CCDC30: variants seen among roughly 807,000 people sequenced by gnomAD.
CCDC30 encodes the protein coiled-coil domain containing 30.
A neutral mutation model predicts 100.2 loss-of-function variants in CCDC30; 70 were observed. The observed-to-expected ratio is 0.70, with a 90% confidence interval of 0.58 to 0.85. The LOEUF (loss-of-function observed/expected upper bound fraction) is 0.85. Ranked by LOEUF, CCDC30 falls within the 40% of genes least tolerant of loss-of-function variation. The probability of loss-of-function intolerance (pLI) is 0.00; values close to 1 mark genes in which losing one functional copy is unlikely to be tolerated. For synonymous variants in CCDC30, 233 were observed against 269.5 expected (o/e 0.86, Z 1.33); for missense variants, 652 against 771.2 (o/e 0.85, Z 1.83).
At chr1:42,610,659 A>G (rs1646600968) in intron 10 of CCDC30, among the ~76,000 whole-genome samples, 1 of 152,120 alleles carries the variant, frequency 6.6e-6, no homozygotes, top group South Asian at 2.1e-4. Context: ...TCCTGAGCTC[A>G]AGCTATATGC....
chr1:42,622,208 G>C (rs1646851824), intron 11 of CCDC30, among the ~76,000 whole-genome samples: 1 of 152,020 alleles, frequency 6.6e-6, no homozygotes, highest in African/African-American at 2.4e-5. Context: ...TCTGTGCATG[G>C]CTTATTTCAC....
intron 6 of CCDC30, among the ~76,000 whole-genome samples, chr1:42,551,755 G>A (rs754357216): frequency 1.3e-5 from 2 of 151,434 alleles, no homozygotes; most frequent in Non-Finnish European, 2.9e-5. Flanking sequence ...GTGTGTGTGT[G>A]TGTGTGTGTG....
At chr1:42,650,250 A>AG (rs548367068) in intron 15 of CCDC30, among the ~76,000 whole-genome samples, 98 of 152,182 alleles carry the variant, frequency 6.4e-4, no homozygotes, top group African/African-American at 2.2e-3. Flanking sequence ...TGGGAGGCTG[A>AG]GGGGGGCAGA....
the CCDC30 span, chr1:42,456,422 G>A: frequency 5.5e-6 from 5 of 906,580 alleles, no homozygotes. Flanking sequence ...CGCATTTCCA[G>A]ACTTGGCGAG....
chr1:42,646,447 C>G (rs1647891325), intron 15 of CCDC30, 130 bp downstream of exon 19: 1 of 1,205,062 alleles, frequency 8.3e-7, no homozygotes. Context: ...CAAACAGATT[C>G]CCCACTTTCT....
intron 6 of CCDC30, among the ~76,000 whole-genome samples, chr1:42,545,916 C>G (rs1000960782): frequency 5.3e-5 from 8 of 151,116 alleles, no homozygotes; most frequent in African/African-American, 1.9e-4. Context: ...TGCACTGCAG[C>G]CTGGGCAACA....
At chr1:42,626,581 C>T (rs1329539511) in intron 11 of CCDC30, among the ~76,000 whole-genome samples, 2 of 151,968 alleles carry the variant, frequency 1.3e-5, no homozygotes, top group Non-Finnish European at 2.9e-5. Flanking sequence ...GATATGAGTT[C>T]ACTGTGTCCG....
chr1:42,635,898 G>T (rs1647145305), intron 11 of CCDC30, among the ~76,000 whole-genome samples: 1 of 151,714 alleles, frequency 6.6e-6, no homozygotes, highest in Non-Finnish European at 1.5e-5. Flanking sequence ...TTATATTCCT[G>T]CCTGCAGTGT....
chr1:42,462,391 C>G (rs78716659), upstream of CCDC30, among the ~76,000 whole-genome samples: 582 of 152,130 alleles, frequency 3.8e-3, 8 homozygotes, highest in African/African-American at 0.014. Flanking sequence ...GCTACAAGTG[C>G]TGGTGGTGAG....
intron 8 of CCDC30, among the ~76,000 whole-genome samples, chr1:42,580,427 C>T (rs1221035417): frequency 1.3e-5 from 2 of 152,080 alleles, no homozygotes; most frequent in African/African-American, 4.8e-5. Context: ...GAATGTGATG[C>T]CAAGCCATTG....
intron 7 of CCDC30, chr1:42,571,432 G>T (rs970762195): frequency 1.9e-4 from 29 of 151,346 alleles, no homozygotes; most frequent in African/African-American, 7.0e-4. Flanking sequence ...TAATAGATTT[G>T]TTCTTATCAT....
At chr1:42,523,539 C>T (rs559159385) in intron 6 of CCDC30, among the ~76,000 whole-genome samples, 76 of 152,196 alleles carry the variant, frequency 5.0e-4, no homozygotes, top group East Asian at 1.5e-3. Flanking sequence ...TGTCTTTCAA[C>T]GGTTTGATTA....
At chr1:42,647,126 C>T (rs567601541) in intron 15 of CCDC30, among the ~76,000 whole-genome samples, 4 of 151,758 alleles carry the variant, frequency 2.6e-5, no homozygotes, top group Admixed American at 2.6e-4. Flanking sequence ...AAAATCAATG[C>T]AAAAAAATAA....
the CCDC30 span, chr1:42,456,224 GA>G: frequency 5.0e-6 from 3 of 602,156 alleles, no homozygotes; most frequent in Non-Finnish European, 8.9e-6. Context: ...AAATGGCCGA[GA>G]AACGACTCCC....
At chr1:42,553,537 T>A (rs1645300062) in intron 6 of CCDC30, among the ~76,000 whole-genome samples, 1 of 151,910 alleles carries the variant, frequency 6.6e-6, no homozygotes, top group Admixed American at 6.6e-5. Flanking sequence ...ACACCTGTAA[T>A]CCCAGCAACT....
chr1:42,474,439 A>G (rs1468880862), intron 1 of CCDC30, among the ~76,000 whole-genome samples: 1 of 152,232 alleles, frequency 6.6e-6, no homozygotes, highest in East Asian at 1.9e-4. Flanking sequence ...TATTATCATT[A>G]GAAATGGATA....
At chr1:42,568,289 A>G (rs897536327) in intron 7 of CCDC30, among the ~76,000 whole-genome samples, 4 of 151,924 alleles carry the variant, frequency 2.6e-5, no homozygotes, top group Admixed American at 6.6e-5. Flanking sequence ...TAATTTTTGT[A>G]TTTTTAGTAG....
chr1:42,633,347 G>T (rs1399692077), intron 11 of CCDC30, among the ~76,000 whole-genome samples: 2 of 152,028 alleles, frequency 1.3e-5, no homozygotes, highest in African/African-American at 2.4e-5. Context: ...CAGTATGATT[G>T]ATTAAATCCT....
the CCDC30 span, chr1:42,456,505 C>A: frequency 1.4e-6 from 2 of 1,424,384 alleles, no homozygotes; most frequent in Non-Finnish European, 1.8e-6. Context: ...ACCAGGTAGG[C>A]GAGAAGGGGC....
Sources: allele counts gnomAD v4.1 joint callset (sites outside exome capture counted in the v4.1 genomes callset), GRCh38; gene constraint gnomAD v4.1.1; transcripts MANE v1.5; gene names NCBI Gene and HGNC (gene_info 2026-07-23, HGNC 2026-07-21).